Variants in METAP2 observed in about 807,000 individuals in gnomAD.
METAP2 encodes methionine aminopeptidase 2.
In METAP2, 25 loss-of-function variants were observed where a neutral mutation model predicts 59.4. That is an observed-to-expected ratio of 0.42 (90% CI 0.31 to 0.59). The LOEUF (loss-of-function observed/expected upper bound fraction) is 0.59. Ranked by LOEUF, METAP2 falls within the 20% of genes least tolerant of loss-of-function variation. The pLI is 0.16. For missense variants in METAP2, 366 were observed against 581.2 expected, an observed-to-expected ratio of 0.63 and a Z score of 3.81; for synonymous variants, 214 against 194.1, an observed-to-expected ratio of 1.10 and a Z score of -0.85.
At chr12:95,510,818 T>G (rs1594440061) in intron 8 of METAP2, among the ~76,000 whole-genome samples, 4 of 152,192 alleles carry the variant, frequency 2.6e-5, no homozygotes, top group Admixed American at 2.0e-4. Flanking sequence ...TTGCTTTTCT[T>G]TATGTCTTTA....
chr12:95,490,798 T>G (rs2076232238), intron 4 of METAP2, among the ~76,000 whole-genome samples: 1 of 152,164 alleles, frequency 6.6e-6, no homozygotes, highest in Non-Finnish European at 1.5e-5. Context: ...GCCCCATCTC[T>G]TTGAAGAAAC....
intron 2 of METAP2, among the ~76,000 whole-genome samples, chr12:95,476,541 A>AGAGAGAGAGAGAGAGAGAGAGAG (rs2076121221): frequency 6.7e-6 from 1 of 148,954 alleles, no homozygotes; most frequent in Non-Finnish European, 1.5e-5. Context: ...AAAGAAAGAA[A>AGAGAGAGAGAGAGAGAGAGAGAG]AGCTAGAAAA....
intron 1 of METAP2, 70 bp downstream of exon 1, chr12:95,474,400 G>C: frequency 1.3e-6 from 2 of 1,546,802 alleles, no homozygotes; most frequent in Non-Finnish European, 1.7e-6. Context: ...GGCCCGTTGA[G>C]GGGGCCGGGA....
At chr12:95,493,908 T>A in intron 4 of METAP2, 148 bp from the exon 5 acceptor site, 1 of 623,770 alleles carries the variant, frequency 1.6e-6, no homozygotes. Context: ...TGCAAGTGTT[T>A]GGCTTTTTGT....
At chr12:95,499,666 A>G (rs976073625) in intron 7 of METAP2, among the ~76,000 whole-genome samples, 2 of 151,972 alleles carry the variant, frequency 1.3e-5, no homozygotes, top group Non-Finnish European at 2.9e-5. Flanking sequence ...TAATAATACT[A>G]AGTCTTCTAA....
At chr12:95,493,777 G>A (rs1338223375) in intron 4 of METAP2, among the ~76,000 whole-genome samples, 1 of 152,138 alleles carries the variant, frequency 6.6e-6, no homozygotes, top group Admixed American at 6.5e-5. Context: ...TTTTCTGATT[G>A]TTTTATTATC....
chr12:95,476,256 C>A, intron 2 of METAP2, 78 bp downstream of exon 2: 2 of 907,776 alleles, frequency 2.2e-6, no homozygotes, highest in East Asian at 5.3e-5. Flanking sequence ...CCTGTAATCC[C>A]AGCACTTTGG....
chr12:95,486,343 T>C (rs989148139), intron 4 of METAP2, among the ~76,000 whole-genome samples: 2 of 152,188 alleles, frequency 1.3e-5, no homozygotes, highest in African/African-American at 2.4e-5. Context: ...CTGAGTGATA[T>C]AAGGGTTGAT....
chr12:95,484,758 G>A (rs895507272), intron 3 of METAP2: 11 of 414,010 alleles, frequency 2.7e-5, no homozygotes, highest in Non-Finnish European at 4.7e-5. Context: ...TTTTTTCTGA[G>A]TATCAGTCTG....
At position 95,488,511 on chromosome 12, in the gene METAP2, C is replaced by CAAA. The variant is rs537119415; in HGVS notation, c.428+2556_428+2558dup. On this transcript the variant is annotated intron_variant, in intron 4 of 10. Transcript: ENST00000323666. ...GTGACAGAGCGAGACTTTGTCTCAC[C>CAAA]AAAAAAAAAAAAAAAAAAAAAAAAA... Among the ~76,000 whole-genome samples the CAAA allele has an allele frequency of 8.9e-3, 684 of 76,496 alleles. 45 individuals are homozygous for CAAA. The highest frequency in any genetic ancestry group is 0.031 in the African/African-American group (624 of 19,852). 50.2% of individuals were successfully genotyped at this position (76,496 alleles called of 152,430 possible). A position where few individuals can be genotyped will look rare whatever the true frequency, so the allele number is the denominator to read the frequency against.
Position 95,514,484 on chromosome 12 carries a change from A to G in METAP2, c.*580A>G, listed in dbSNP as rs1322297940. 6.6e-6 allele frequency: 1 copy of G among 152,284 alleles called. No individual in the cohort carries two copies. The highest frequency in any genetic ancestry group is 1.9e-4 in the East Asian group (1 of 5,206). The allele number at this position is 152,284 out of a possible 1,614,324, so 9.4% of individuals were successfully genotyped here. On this transcript the variant is annotated 3_prime_UTR_variant, in exon 11 of 11. Coordinates refer to ENST00000323666, the MANE Select transcript of METAP2 (RefSeq NM_006838.4). Reference sequence around the variant, plus strand: ...TGGCATAGTGGCTAAAACAAGATCTACACATGCATAAAAAGGGACAATCAC... The same window carrying G: ...TGGCATAGTGGCTAAAACAAGATCTGCACATGCATAAAAAGGGACAATCAC...
intron 5 of METAP2, among the ~76,000 whole-genome samples, 175 bp downstream of exon 5, chr12:95,494,392 A>G (rs923018333): frequency 3.3e-5 from 5 of 152,230 alleles, no homozygotes; most frequent in Non-Finnish European, 7.3e-5. Context: ...AGAGGAGTAC[A>G]CATTGGCACC....
intron 1 of METAP2, among the ~76,000 whole-genome samples, chr12:95,475,012 T>C (rs192243937): frequency 6.6e-6 from 1 of 152,312 alleles, no homozygotes; most frequent in African/African-American, 2.4e-5. Context: ...TAGGATATTC[T>C]GTGGCTCAGA....
intron 4 of METAP2, 56 bp from the exon 5 acceptor site, chr12:95,494,000 C>T: frequency 6.8e-7 from 1 of 1,474,162 alleles, no homozygotes; most frequent in Non-Finnish European, 9.4e-7. Context: ...TAGTTGTCAG[C>T]TTTTATGCTT....
At chr12:95,482,216 C>G (rs1402198938) in intron 2 of METAP2, 1 of 446,198 alleles carries the variant, frequency 2.2e-6, no homozygotes, top group Non-Finnish European at 4.5e-6. Context: ...CTCAGGTGAT[C>G]CTCCCACATC....
intron 2 of METAP2, among the ~76,000 whole-genome samples, chr12:95,482,417 AT>A (rs1383818003): frequency 6.6e-6 from 1 of 152,050 alleles, no homozygotes; most frequent in Admixed American, 6.6e-5. Flanking sequence ...CTAGCCTAAT[AT>A]TTGTACTTCT....
chr12:95,513,505 T>G, intron 10 of METAP2, 147 bp from the exon 11 acceptor site: 3 of 835,800 alleles, frequency 3.6e-6, no homozygotes, highest in Non-Finnish European at 5.5e-6. Context: ...CTATTATACA[T>G]TCTGGCTTTT....
chr12:95,483,144 C>T, intron 2 of METAP2, 71 bp from the exon 3 acceptor site: 1 of 1,101,328 alleles, frequency 9.1e-7, no homozygotes, highest in South Asian at 1.2e-5. Context: ...AAATACTTGT[C>T]TCCTTGTACT....
At chr12:95,497,386 C>G (rs79263396) in intron 7 of METAP2, among the ~76,000 whole-genome samples, 1 of 152,186 alleles carries the variant, frequency 6.6e-6, no homozygotes, top group Admixed American at 6.5e-5. Context: ...TCAAGGTTCA[C>G]CTATGTTGTA....
Sources: allele counts gnomAD v4.1 joint callset (sites outside exome capture counted in the v4.1 genomes callset), GRCh38; gene constraint gnomAD v4.1.1; transcripts MANE v1.5; gene names NCBI Gene and HGNC (gene_info 2026-07-23, HGNC 2026-07-21).